Variants in BBX observed in about 807,000 individuals in gnomAD.
BBX encodes the protein BBX high mobility group box domain containing, also known as HMG box transcription factor BBX.
In BBX, 30 loss-of-function variants were observed where a neutral mutation model predicts 100.2. The ratio of observed to expected loss-of-function variants is 0.30; its 90% CI spans 0.22 to 0.41. BBX has a LOEUF of 0.41. BBX is among the 10% of genes least tolerant of loss of function. The probability of loss-of-function intolerance (pLI) is 1.00; values close to 1 mark genes in which losing one functional copy is unlikely to be tolerated. For synonymous variants in BBX, 376 were observed against 388.1 expected (o/e 0.97, Z 0.37); for missense variants, 1,023 against 1,129.8 (o/e 0.91, Z 1.35).
chr3:107,560,044 A>G (rs1354160273), intron 2 of BBX, among the ~76,000 whole-genome samples: 4 of 152,198 alleles, frequency 2.6e-5, no homozygotes, highest in Non-Finnish European at 5.9e-5. Flanking sequence ...ACACTGGGCC[A>G]GGATTAGAAT....
chr3:107,614,851 C>T (rs1265901626), intron 2 of BBX, among the ~76,000 whole-genome samples: 1 of 152,072 alleles, frequency 6.6e-6, no homozygotes, highest in Non-Finnish European at 1.5e-5. Context: ...TGCAAAGGCC[C>T]TGCAGGGAGA....
At chr3:107,543,649 G>A (rs188782650) in intron 2 of BBX, among the ~76,000 whole-genome samples, 2 of 152,314 alleles carry the variant, frequency 1.3e-5, no homozygotes, top group African/African-American at 4.8e-5. Context: ...ATAACACATT[G>A]TTAAATGGCA....
rs563561859 is a variant in BBX at position 107,768,766 on chromosome 3, C to G, written c.907-3862C>G. On this transcript the variant is annotated intron_variant, in intron 10 of 17. Coordinates refer to ENST00000325805, the MANE Select transcript of BBX (RefSeq NM_001142568.3). ...GTGACCTATTAAAAAAAATTAATCT[C>G]TGGGTCCCATTAAAAGAGCATTCCT... is the stretch of plus-strand genomic sequence containing the variant. Among the ~76,000 whole-genome samples the G allele has an allele frequency of 3.3e-5, 5 of 150,644 alleles. No homozygotes were observed. The South Asian group carries it at 1.1e-3, about 32-fold the overall frequency.
At chr3:107,605,716 C>T (rs1056101421) in intron 2 of BBX, among the ~76,000 whole-genome samples, 1 of 152,116 alleles carries the variant, frequency 6.6e-6, no homozygotes, top group Non-Finnish European at 1.5e-5. Flanking sequence ...CATGTATGTC[C>T]CATCTCCTCA....
chr3:107,529,870 G>A (rs1213212542), intron 2 of BBX, among the ~76,000 whole-genome samples: 1 of 151,122 alleles, frequency 6.6e-6, no homozygotes, highest in Non-Finnish European at 1.5e-5. Flanking sequence ...ATTGAAATAA[G>A]TGCCAGTTAT....
chr3:107,760,547 A>C (rs543308292), intron 10 of BBX, among the ~76,000 whole-genome samples: 19 of 152,326 alleles, frequency 1.2e-4, no homozygotes, highest in African/African-American at 4.1e-4. Context: ...AAGATATAAC[A>C]AGTTAAGGAA....
intron 2 of BBX, among the ~76,000 whole-genome samples, chr3:107,540,331 T>C (rs1003623636): frequency 7.9e-5 from 12 of 152,282 alleles, no homozygotes; most frequent in Admixed American, 7.2e-4. Flanking sequence ...AAAGCAAAAA[T>C]TGTGACCATC....
intron 2 of BBX, among the ~76,000 whole-genome samples, chr3:107,604,414 G>T (rs1426723480): frequency 6.6e-6 from 1 of 151,964 alleles, no homozygotes; most frequent in Non-Finnish European, 1.5e-5. Context: ...TATTTTCTAG[G>T]TTCTTCGGTA....
rs796381400 is a variant in BBX at position 107,584,046 on chromosome 3, T to C, written c.-84+57648T>C. Among the ~76,000 whole-genome samples the C allele has an allele frequency of 7.7e-5, 3 of 38,766 alleles. No homozygotes were observed. The East Asian group carries it at 1.6e-3, about 21-fold the overall frequency. The allele number at this position is 38,766 out of a possible 152,430, so 25.4% of individuals were successfully genotyped here. On this transcript the variant is annotated intron_variant, in intron 2 of 17. Transcript: ENST00000325805. Reference sequence around the variant, plus strand: ...TATTATATATATTAATTATATATATTATATATATTATATATATCATATATT... The same window carrying C: ...TATTATATATATTAATTATATATATCATATATATTATATATATCATATATT...
intron 2 of BBX, among the ~76,000 whole-genome samples, chr3:107,572,835 C>T (rs1219218802): frequency 6.6e-6 from 1 of 152,094 alleles, no homozygotes; most frequent in Non-Finnish European, 1.5e-5. Context: ...GTGAGCCACC[C>T]TCTTTGTTAA....
chr3:107,670,524 A>G (rs1020329417), intron 3 of BBX, among the ~76,000 whole-genome samples: 1 of 152,150 alleles, frequency 6.6e-6, no homozygotes, highest in African/African-American at 2.4e-5. Flanking sequence ...TGAAATATCA[A>G]CACCATAAAT....
intron 7 of BBX, among the ~76,000 whole-genome samples, chr3:107,734,090 T>G (rs1274685437): frequency 1.3e-5 from 2 of 152,184 alleles, no homozygotes; most frequent in Non-Finnish European, 2.9e-5. Context: ...ATTTTTTACT[T>G]TTTGTTTTTT....
At chr3:107,528,147 A>T (rs1047558178) in intron 2 of BBX, among the ~76,000 whole-genome samples, 1 of 152,184 alleles carries the variant, frequency 6.6e-6, no homozygotes, top group African/African-American at 2.4e-5. Flanking sequence ...ATAGTGATCT[A>T]AAAAAAGTCA....
chr3:107,634,045 G>A (rs1269224476), intron 2 of BBX, among the ~76,000 whole-genome samples: 1 of 152,132 alleles, frequency 6.6e-6, no homozygotes, highest in African/African-American at 2.4e-5. Flanking sequence ...CACTTCACAT[G>A]CTTTTCAGTT....
intron 2 of BBX, among the ~76,000 whole-genome samples, chr3:107,535,844 C>T (rs1311007407): frequency 2.0e-5 from 3 of 152,224 alleles, no homozygotes; most frequent in Non-Finnish European, 4.4e-5. Flanking sequence ...AGTGATCCAC[C>T]TGCCTCAGTC....
At chr3:107,649,740 T>G (rs2107802130) in intron 3 of BBX, among the ~76,000 whole-genome samples, 1 of 152,302 alleles carries the variant, frequency 6.6e-6, no homozygotes, top group African/African-American at 2.4e-5. Flanking sequence ...TCTTTACTTC[T>G]ACCGGAAATT....
In BBX at chr3:107,801,150, C is replaced by T; in HGVS notation, c.2607C>T (p.Asp869=). 2 of 1,614,222 alleles carry T rather than the reference C, an allele frequency of 1.2e-6. No individual in the cohort carries two copies. The highest frequency in any genetic ancestry group is 1.7e-6 in the Non-Finnish European group (2 of 1,180,042). ...QRSLPKATET[D]CNDKCSHNTE... ...GTCTCCCTAAAGCAACTGAGACAGA[C>T]TGCAATGACAAATGCTCACACAACA... The change falls in exon 17 of 18, where the codon GAC becomes GAT. Residue 869 remains aspartate (D), a synonymous_variant. Transcript: ENST00000325805.
intron 2 of BBX, among the ~76,000 whole-genome samples, chr3:107,563,910 A>T (rs183582648): frequency 2.0e-5 from 3 of 152,300 alleles, no homozygotes; most frequent in African/African-American, 7.2e-5. Context: ...TTGCCAGCCC[A>T]TATCCACCAA....
Position 107,805,515 on chromosome 3 carries a change from C to T in BBX, c.*58C>T, listed in dbSNP as rs1008760706. ...CCTACTACCCTAGCCTTGTCTTTACCGAGGGATGCTAGTGAGTCCAAGTGG... is the reference window on the plus strand; with the variant it reads ...CCTACTACCCTAGCCTTGTCTTTACTGAGGGATGCTAGTGAGTCCAAGTGG... On this transcript the variant is annotated 3_prime_UTR_variant, in exon 18 of 18. Transcript: ENST00000325805. The T allele has an allele frequency of 2.5e-6, 4 of 1,613,306 alleles. No homozygotes were observed. The highest frequency in any genetic ancestry group is 2.2e-5 in the South Asian group (2 of 91,000).
Sources: gnomAD v4.1 joint callset for allele counts (sites outside exome capture counted in the v4.1 genomes callset) on GRCh38, gnomAD v4.1.1 for gene constraint, MANE v1.5 for transcripts, NCBI Gene and HGNC (gene_info 2026-07-23, HGNC 2026-07-21) for gene names.